Variants in DGKB observed in about 807,000 individuals in gnomAD.
DGKB encodes 90 kDa diacylglycerol kinase.
DGKB carries 67 observed loss-of-function variants against 114.3 expected under a neutral mutation model. That is an observed-to-expected ratio of 0.59 (90% CI 0.48 to 0.72). The LOEUF (loss-of-function observed/expected upper bound fraction) is 0.72. DGKB is among the 30% of genes least tolerant of loss of function. DGKB has a pLI of 0.00. For missense variants in DGKB, 907 were observed against 975.2 expected, an observed-to-expected ratio of 0.93 and a Z score of 0.93; for synonymous variants, 398 against 323.1, an observed-to-expected ratio of 1.23 and a Z score of -2.49.
intron 13 of DGKB, among the ~76,000 whole-genome samples, chr7:14,646,733 G>C (rs1264084068): frequency 6.6e-6 from 1 of 151,342 alleles, no homozygotes; most frequent in Non-Finnish European, 1.5e-5. Flanking sequence ...ACATGCTCCT[G>C]AATGACAAAC....
At chr7:14,971,681 A>G (rs552035216) in intron 1 of DGKB, among the ~76,000 whole-genome samples, 1 of 152,256 alleles carries the variant, frequency 6.6e-6, no homozygotes, top group South Asian at 2.1e-4. Context: ...AAATTCCTGG[A>G]TAGATGAAAA....
chr7:14,905,223 T>G (rs914762601), upstream of DGKB, among the ~76,000 whole-genome samples: 6 of 147,298 alleles, frequency 4.1e-5, no homozygotes, highest in African/African-American at 1.5e-4. Context: ...TGGTAATGAG[T>G]ATTTAACATC....
intron 1 of DGKB, among the ~76,000 whole-genome samples, chr7:14,972,522 A>C (rs940136229): frequency 6.6e-6 from 1 of 152,162 alleles, no homozygotes; most frequent in Non-Finnish European, 1.5e-5. Flanking sequence ...AACTTAAATA[A>C]ATTTAAAACA....
intron 20 of DGKB, among the ~76,000 whole-genome samples, chr7:14,538,963 C>T (rs771705667): frequency 3.3e-5 from 5 of 152,012 alleles, no homozygotes; most frequent in East Asian, 3.9e-4. Context: ...ATGGTAGTTA[C>T]CAAGCAACGG....
intron 20 of DGKB, among the ~76,000 whole-genome samples, chr7:14,550,054 TA>T (rs1325355727): frequency 6.6e-6 from 1 of 152,056 alleles, no homozygotes; most frequent in Non-Finnish European, 1.5e-5. Flanking sequence ...AATTTATTAA[TA>T]AAACTAAAAC....
At chr7:14,926,103 A>G (rs1490958386) in intron 1 of DGKB, among the ~76,000 whole-genome samples, 2 of 152,106 alleles carry the variant, frequency 1.3e-5, no homozygotes, top group Non-Finnish European at 2.9e-5. Flanking sequence ...TTTATCATGA[A>G]TAGATTTTTT....
chr7:14,183,362 T>C (rs1015962640), intron 23 of DGKB, among the ~76,000 whole-genome samples: 3 of 152,150 alleles, frequency 2.0e-5, no homozygotes. Flanking sequence ...CCAGAAGACA[T>C]AAATTTTAAA....
chr7:14,555,467 C>T (rs1234748063), intron 20 of DGKB, among the ~76,000 whole-genome samples: 2 of 150,460 alleles, frequency 1.3e-5, no homozygotes, highest in Non-Finnish European at 1.5e-5. Context: ...CCCCAGTGAC[C>T]CTATCAGAAT....
chr7:14,708,607 C>A lies in DGKB; in HGVS notation c.467-6877G>T, dbSNP rs946174092. On this transcript the variant is annotated intron_variant, in intron 6 of 25. Transcript: ENST00000402815. ...AACCAAAACAGCATGGTACTGGTAC[C>A]AAAACAGAGATATAAATCAATGGAA... is the stretch of plus-strand genomic sequence containing the variant. Among the ~76,000 whole-genome samples the A allele has an allele frequency of 1.1e-3, 168 of 151,328 alleles. 2 individuals carry two copies. The highest frequency in any genetic ancestry group is 3.9e-3 in the African/African-American group (160 of 41,074).
At chr7:14,468,223 G>C (rs1021301367) in intron 21 of DGKB, among the ~76,000 whole-genome samples, 1 of 152,022 alleles carries the variant, frequency 6.6e-6, no homozygotes. Context: ...CATCAAAGGG[G>C]AAGAAAATTC....
At position 14,362,651 on chromosome 7, in the gene DGKB, C is replaced by CA. The variant is rs200348418; in HGVS notation, c.1836-17261dup. Reference sequence around the variant, plus strand: ...TTAGAGTGTATATACAATAAAAACCCAAAAAAAATGCAACAAAACATGGAA... The same window carrying CA: ...TTAGAGTGTATATACAATAAAAACCCAAAAAAAAATGCAACAAAACATGGAA... On this transcript the variant is annotated intron_variant, in intron 21 of 25. Coordinates refer to ENST00000402815, the MANE Select transcript of DGKB (RefSeq NM_001350709.2). Among the ~76,000 whole-genome samples, 14 of 107,742 alleles carry CA rather than the reference C, an allele frequency of 1.3e-4. No individual in the cohort carries two copies. In the East Asian group the frequency reaches 2.0e-3, roughly 16 times the overall value. 70.7% of individuals were successfully genotyped at this position (107,742 alleles called of 152,430 possible). A position where few individuals can be genotyped will look rare whatever the true frequency, so the allele number is the denominator to read the frequency against.
At chr7:14,281,813 C>T (rs1169451631) in intron 23 of DGKB, among the ~76,000 whole-genome samples, 8 of 149,248 alleles carry the variant, frequency 5.4e-5, no homozygotes, top group Non-Finnish European at 7.5e-5. Context: ...TTGAAACCAA[C>T]GAGAACAAAG....
At chr7:14,827,289 C>G (rs1165381988) in intron 2 of DGKB, among the ~76,000 whole-genome samples, 1 of 151,924 alleles carries the variant, frequency 6.6e-6, no homozygotes, top group Admixed American at 6.6e-5. Context: ...AAGGCATTAC[C>G]CAGAATTTTT....
At chr7:14,640,252 C>T (rs1811498233) in intron 13 of DGKB, among the ~76,000 whole-genome samples, 2 of 151,948 alleles carry the variant, frequency 1.3e-5, no homozygotes, top group South Asian at 4.2e-4. Flanking sequence ...GTGACAAATG[C>T]CATGAAAGGA....
intron 19 of DGKB, among the ~76,000 whole-genome samples, chr7:14,578,310 GAACA>G (rs1200537985): frequency 4.6e-5 from 7 of 152,074 alleles, no homozygotes; most frequent in African/African-American, 1.7e-4. Flanking sequence ...AGCAGTGTGA[GAACA>G]AACTAATACA....
At chr7:14,399,358 C>T (rs192906570) in intron 21 of DGKB, among the ~76,000 whole-genome samples, 12 of 151,722 alleles carry the variant, frequency 7.9e-5, no homozygotes, top group Admixed American at 7.9e-4. Flanking sequence ...TTTGAGTTTT[C>T]AGTTATTTTA....
chr7:14,712,176 A>C (rs1009121590), intron 6 of DGKB, among the ~76,000 whole-genome samples: 2 of 152,202 alleles, frequency 1.3e-5, no homozygotes, highest in African/African-American at 4.8e-5. Context: ...GGTATAAAAG[A>C]TGTCCCAGAT....
chr7:14,177,293 C>A (rs1030919947), intron 24 of DGKB, among the ~76,000 whole-genome samples: 6 of 151,964 alleles, frequency 3.9e-5, no homozygotes, highest in Admixed American at 2.0e-4. Flanking sequence ...TAAATAACAT[C>A]AATTATTCCT....
intron 13 of DGKB, among the ~76,000 whole-genome samples, chr7:14,638,334 T>C (rs1811125797): frequency 6.6e-6 from 1 of 152,200 alleles, no homozygotes; most frequent in Non-Finnish European, 1.5e-5. Flanking sequence ...CATCACACAC[T>C]TTAAACTCAA....
Sources: gnomAD v4.1 joint callset for allele counts (sites outside exome capture counted in the v4.1 genomes callset) on GRCh38, gnomAD v4.1.1 for gene constraint, MANE v1.5 for transcripts, NCBI Gene and HGNC (gene_info 2026-07-23, HGNC 2026-07-21) for gene names.